DTNB: variants seen among roughly 807,000 people sequenced by gnomAD.
The protein encoded by DTNB is dystrobrevin beta.
A neutral mutation model predicts 90.7 loss-of-function variants in DTNB; 63 were observed. The ratio of observed to expected loss-of-function variants is 0.69; its 90% CI spans 0.57 to 0.86. The LOEUF (loss-of-function observed/expected upper bound fraction) is 0.86, where lower values mean the gene tolerates loss of function less well. DTNB is among the 40% of genes least tolerant of loss of function. The probability of loss-of-function intolerance (pLI) is 0.00; values close to 1 mark genes in which losing one functional copy is unlikely to be tolerated. For synonymous variants in DTNB, 277 were observed against 286.7 expected (o/e 0.97, Z 0.34); for missense variants, 744 against 807.1 (o/e 0.92, Z 0.95).
intron 9 of DTNB, among the ~76,000 whole-genome samples, chr2:25,520,313 A>C (rs1458600143): frequency 2.6e-5 from 4 of 152,206 alleles, no homozygotes; most frequent in Non-Finnish European, 5.9e-5. Context: ...TGGAAGTTGC[A>C]GTGAGCCGAG....
intron 4 of DTNB, among the ~76,000 whole-genome samples, chr2:25,613,383 C>T (rs1052753290): frequency 2.0e-5 from 3 of 152,136 alleles, no homozygotes; most frequent in African/African-American, 7.2e-5. Flanking sequence ...AGTTTTTCAA[C>T]CCTTGCCCCC....
intron 2 of DTNB, 146 bp from the exon 3 acceptor site, chr2:25,639,240 A>G: frequency 7.9e-6 from 5 of 634,068 alleles, no homozygotes; most frequent in Non-Finnish European, 1.3e-5. Flanking sequence ...ACAACAACAG[A>G]GGGAGAAAAG....
intron 8 of DTNB, among the ~76,000 whole-genome samples, chr2:25,565,392 A>C (rs2058869232): frequency 6.6e-6 from 1 of 152,114 alleles, no homozygotes; most frequent in Admixed American, 6.5e-5. Flanking sequence ...GTACACCACC[A>C]AGCCCAGCTA....
intron 7 of DTNB, 52 bp from the exon 8 acceptor site, chr2:25,577,056 G>C: frequency 6.8e-7 from 1 of 1,469,804 alleles, no homozygotes; most frequent in Non-Finnish European, 9.1e-7. Context: ...GGAAGGGATA[G>C]AATAAAAGAA....
intron 7 of DTNB, among the ~76,000 whole-genome samples, 163 bp downstream of exon 7, chr2:25,580,558 A>G (rs1345557363): frequency 1.3e-5 from 2 of 148,276 alleles, no homozygotes; most frequent in African/African-American, 4.9e-5. Context: ...TCCCTTTTTT[A>G]AAAAAAAATT....
intron 14 of DTNB, among the ~76,000 whole-genome samples, chr2:25,432,188 A>G (rs1322278661): frequency 6.8e-6 from 1 of 146,522 alleles, no homozygotes; most frequent in East Asian, 2.0e-4. Flanking sequence ...ATAATGTCTT[A>G]ACTTACAGAA....
At chr2:25,472,840 T>C (rs1397232394) in intron 10 of DTNB, among the ~76,000 whole-genome samples, 3 of 152,208 alleles carry the variant, frequency 2.0e-5, no homozygotes, top group African/African-American at 7.2e-5. Flanking sequence ...GCCAAGATTG[T>C]GCCACTGCAC....
In DTNB at chr2:25,424,204, A is replaced by G. The variant is rs75684530; in HGVS notation, c.1554+3331T>C. Among the ~76,000 whole-genome samples the G allele has an allele frequency of 0.011, 1,643 of 152,292 alleles. 42 individuals carry two copies. The highest frequency in any genetic ancestry group is 0.037 in the African/African-American group (1,540 of 41,552). The stretch of plus-strand genomic sequence containing the variant: ...GCAACATTCCTAGATTTGTGTTTGC[A>G]AATTCTTCCTCCCAGTCTGAACAGC... On this transcript the variant is annotated intron_variant, in intron 15 of 20. Transcript: ENST00000406818. The surrounding 1 kb of genome is among the most constrained non-coding windows in gnomAD (Gnocchi z 4.1).
At chr2:25,665,776 TAAAAA>T (rs11294720) in intron 1 of DTNB, among the ~76,000 whole-genome samples, 1 of 141,454 alleles carries the variant, frequency 7.1e-6, no homozygotes. Context: ...CTTTCAGATT[TAAAAA>T]AAAAAAAAAA....
intron 16 of DTNB, among the ~76,000 whole-genome samples, chr2:25,397,262 T>C (rs1226742974): frequency 8.1e-5 from 12 of 148,542 alleles, no homozygotes; most frequent in African/African-American, 2.5e-4. Context: ...TGCTTGAATC[T>C]GGGAGGCAGA....
At chr2:25,419,733 C>T (rs775560935) in intron 15 of DTNB, among the ~76,000 whole-genome samples, 198 bp from the exon 16 acceptor site, 3 of 152,052 alleles carry the variant, frequency 2.0e-5, no homozygotes, top group Admixed American at 1.3e-4. Context: ...GGCCTCGGCC[C>T]GGTGAGTGAT....
chr2:25,551,994 A>G (rs1050212303), intron 8 of DTNB, among the ~76,000 whole-genome samples: 2 of 152,246 alleles, frequency 1.3e-5, no homozygotes, highest in Non-Finnish European at 1.5e-5. Context: ...ACAATCAAAC[A>G]TTTAATTTCC....
chr2:25,615,093 C>T (rs889813450), intron 4 of DTNB, among the ~76,000 whole-genome samples: 22 of 152,172 alleles, frequency 1.4e-4, no homozygotes, highest in African/African-American at 5.1e-4. Context: ...GCTAGACTGG[C>T]TCACAGAACT....
chr2:25,436,656 G>C (rs2055878825), intron 12 of DTNB, among the ~76,000 whole-genome samples: 1 of 152,080 alleles, frequency 6.6e-6, no homozygotes, highest in Admixed American at 6.5e-5. Context: ...AAACCAAGAT[G>C]ATTTTTCTTC....
chr2:25,558,859 G>A (rs1452551258), intron 8 of DTNB, among the ~76,000 whole-genome samples: 1 of 152,150 alleles, frequency 6.6e-6, no homozygotes, highest in African/African-American at 2.4e-5. Context: ...AACCCTTGGG[G>A]GGCTCTAGAA....
chr2:25,655,264 G>A (rs184489503), intron 1 of DTNB, among the ~76,000 whole-genome samples: 441 of 152,262 alleles, frequency 2.9e-3, no homozygotes, highest in African/African-American at 0.01. Context: ...CAAGAGGGCG[G>A]TCTCCCCTGA....
At chr2:25,511,117 A>C (rs191685110) in intron 9 of DTNB, among the ~76,000 whole-genome samples, 67 of 152,330 alleles carry the variant, frequency 4.4e-4, no homozygotes, top group Non-Finnish European at 7.6e-4. Context: ...ATTTGAGGTG[A>C]TCAGCTTATA....
At chr2:25,597,339 CAA>C (rs575399968) in intron 5 of DTNB, among the ~76,000 whole-genome samples, 3 of 121,482 alleles carry the variant, frequency 2.5e-5, no homozygotes, top group African/African-American at 3.1e-5. Flanking sequence ...ACCTTGTCTC[CAA>C]AAAAAAAAAG....
intron 8 of DTNB, among the ~76,000 whole-genome samples, chr2:25,557,964 C>T (rs961543819): frequency 1.3e-5 from 2 of 152,070 alleles, no homozygotes; most frequent in African/African-American, 2.4e-5. Context: ...ACAAGAAGAA[C>T]GAGCTGGAAC....
Sources: gnomAD v4.1 joint callset for allele counts (sites outside exome capture counted in the v4.1 genomes callset) on GRCh38, gnomAD v4.1.1 for gene constraint, Gnocchi (gnomAD v3.1) non-coding constraint, MANE v1.5 for transcripts, NCBI Gene and HGNC (gene_info 2026-07-23, HGNC 2026-07-21) for gene names.